TRIM26: variants seen among roughly 807,000 people sequenced by gnomAD.
TRIM26 encodes the protein tripartite motif containing 26.
TRIM26 carries 16 observed loss-of-function variants against 45.5 expected under a neutral mutation model. The ratio of observed to expected loss-of-function variants is 0.35; its 90% CI spans 0.24 to 0.53. The LOEUF is 0.53. Among genes scored for constraint, TRIM26 ranks in the 20% least tolerant of loss-of-function variants. TRIM26 has a pLI of 0.92. For synonymous variants in TRIM26, 273 were observed against 290.4 expected, an observed-to-expected ratio of 0.94 and a Z score of 0.61; for missense variants, 442 against 691.1, an observed-to-expected ratio of 0.64 and a Z score of 4.04.
In TRIM26 at chr6:30,196,757, CAGGA is replaced by C. The variant is rs769811690; in HGVS notation, c.535-15_535-12del. The C allele has an allele frequency of 6.2e-7, 1 of 1,613,762 alleles. No homozygotes were observed. The highest frequency in any genetic ancestry group is 1.1e-5 in the South Asian group (1 of 91,080). On this transcript the variant is annotated splice_polypyrimidine_tract_variant and intron_variant, in intron 5 of 9. Coordinates refer to ENST00000454678, the MANE Select transcript of TRIM26 (RefSeq NM_003449.5). The surrounding 1 kb of genome is among the most constrained non-coding windows in gnomAD (Gnocchi z 4.9). ...GTCCTGGAGCTTCTTCTGCAGGGGG[CAGGA>C]AGGGGAGAAGGGCTGACACCTCTGC...
chr6:30,186,357 G>A lies in TRIM26; in HGVS notation c.1139C>T (p.Ser380Phe). The A allele has an allele frequency of 6.2e-7, 1 of 1,612,248 alleles. No individual in the cohort carries two copies. Among genetic ancestry groups the A allele is most frequent in the Non-Finnish European group, 8.5e-7 (1 of 1,179,720 alleles). Residue 380 changes from serine to phenylalanine, a missense_variant, in exon 10 of 10, where the codon TCT becomes TTT. Ser to Phe is a radical substitution (Grantham distance 155). Coordinates refer to ENST00000454678, the MANE Select transcript of TRIM26 (RefSeq NM_003449.5). This position sits in a 1 kb window ranked among gnomAD's most constrained non-coding sequence, Gnocchi z 7.4. ...CTCATCCCCCTCTTCTTCATCCTCA[G>A]ACCAGCCCTCCCTCTCCACTTCCAC... The part of the protein sequence containing the change: ...WEVEVEREGW[S>F]EDEEEGDEEE...
rs142116375 is a variant in TRIM26 at position 30,190,358 on chromosome 6, C to T, written c.766-323G>A. On this transcript the variant is annotated intron_variant, in intron 6 of 9. Coordinates refer to ENST00000454678, the MANE Select transcript of TRIM26 (RefSeq NM_003449.5). This position sits in a 1 kb window ranked among gnomAD's most constrained non-coding sequence, Gnocchi z 4.3. ...AAAACAGGAAAGGGCTTGGTGAGAA[C>T]GGCAGAGGCCAGACTGCGCAGGGCT... 2.8e-3 allele frequency: 1,284 copies of T among 460,442 alleles called. 4 individuals carry two copies. The highest frequency in any genetic ancestry group is 0.012 in the African/African-American group (615 of 51,082). The allele number at this position is 460,442 out of a possible 1,614,324, so 28.5% of individuals were successfully genotyped here. A position where few individuals can be genotyped will look rare whatever the true frequency, so the allele number is the denominator to read the frequency against.
Position 30,190,269 on chromosome 6 carries a change from T to C in TRIM26, c.766-234A>G, listed in dbSNP as rs531781639. ...TGGGAGATGACATGGGCAACCTCTC[T>C]GGGAGATACCTGCGCAGAGAATTGA... On this transcript the variant is annotated intron_variant, in intron 6 of 9. Coordinates refer to ENST00000454678, the MANE Select transcript of TRIM26 (RefSeq NM_003449.5). This position sits in a 1 kb window ranked among gnomAD's most constrained non-coding sequence, Gnocchi z 4.3. The C allele has an allele frequency of 1.8e-4, 109 of 601,626 alleles. No homozygotes were observed. In the African/African-American group the frequency reaches 1.9e-3, roughly 10 times the overall value. 37.3% of individuals were successfully genotyped at this position (601,626 alleles called of 1,614,324 possible). A position where few individuals can be genotyped will look rare whatever the true frequency, so the allele number is the denominator to read the frequency against.
Position 30,190,164 on chromosome 6 carries a change from A to C in TRIM26, c.766-129T>G. 1.0e-6 allele frequency: 1 copy of C among 989,806 alleles called. No homozygotes were observed. The highest frequency in any genetic ancestry group is 1.5e-6 in the Non-Finnish European group (1 of 648,606). The allele number at this position is 989,806 out of a possible 1,614,324, so 61.3% of individuals were successfully genotyped here. ...AACAAATGTGGTCCCTTTTTTATGG[A>C]GCTGACATTCCAGTGGGGTCACTGC... On this transcript the variant is annotated intron_variant, in intron 6 of 9. Coordinates refer to ENST00000454678, the MANE Select transcript of TRIM26 (RefSeq NM_003449.5). This position sits in a 1 kb window ranked among gnomAD's most constrained non-coding sequence, Gnocchi z 4.3.
chr6:30,212,561 A>T (rs1350807050), intron 1 of TRIM26, among the ~76,000 whole-genome samples: 1 of 152,224 alleles, frequency 6.6e-6, no homozygotes, highest in Non-Finnish European at 1.5e-5. Context: ...CTTAAACAAT[A>T]AAATTGCAAT....
rs1449063551 is a variant in TRIM26 at position 30,196,721 on chromosome 6, T to G, written c.560A>C (p.Tyr187Ser). 3.1e-6 allele frequency: 5 copies of G among 1,614,128 alleles called. No individual in the cohort carries two copies. In the Admixed American group the frequency reaches 5.0e-5, roughly 16 times the overall value. Reference protein sequence around the residue: ...ALKKLQDQRQYIVAEFEQGHQ... With the variant: ...ALKKLQDQRQSIVAEFEQGHQ... ...ACCCTGCTCAAACTCAGCCACAATG[T>G]ACTGCCTCTGGTCCTGGAGCTTCTT... Residue 187 changes from tyrosine to serine, a missense_variant, in exon 6 of 10, where the codon TAC becomes TCC. Transcript: ENST00000454678. The surrounding 1 kb of genome is among the most constrained non-coding windows in gnomAD (Gnocchi z 4.9).
At chr6:30,194,304 G>A (rs150422655) in intron 6 of TRIM26, among the ~76,000 whole-genome samples, 1 of 151,352 alleles carries the variant, frequency 6.6e-6, no homozygotes, top group Non-Finnish European at 1.5e-5. Context: ...ATGATTAGAG[G>A]TTGGGAAGGG....
In TRIM26 at chr6:30,209,048, C is replaced by A. The variant is rs527246626; in HGVS notation, c.-376+4257G>T. 6.6e-6 allele frequency among the ~76,000 whole-genome samples: 1 copy of A among 152,028 alleles called. No homozygotes were observed. The highest frequency in any genetic ancestry group is 1.5e-5 in the Non-Finnish European group (1 of 68,002). ...CAGATATTGTGCTCCTCGACCCAAC[C>A]AGTAAATGTTGTAAATGTTTATCTT... On this transcript the variant is annotated intron_variant, in intron 1 of 9. Coordinates refer to ENST00000454678, the MANE Select transcript of TRIM26 (RefSeq NM_003449.5). This position sits in a 1 kb window ranked among gnomAD's most constrained non-coding sequence, Gnocchi z 4.8.
rs150372289 is a variant in TRIM26, at chr6:30,190,706, T to G, written c.766-671A>C. On this transcript the variant is annotated intron_variant, in intron 6 of 9. Transcript: ENST00000454678. This position sits in a 1 kb window ranked among gnomAD's most constrained non-coding sequence, Gnocchi z 4.3. ...TGTCCTTTAAAAAAAGAAAATTGCT[T>G]TCTACTTCCTTTTTACCCCAACTGA... 5.2e-4 allele frequency among the ~76,000 whole-genome samples: 79 copies of G among 152,294 alleles called. No individual in the cohort carries two copies. The highest frequency in any genetic ancestry group is 3.4e-3 in the Middle Eastern group (1 of 294).
chr6:30,203,400 TCTTA>T (rs1278476676), intron 2 of TRIM26, among the ~76,000 whole-genome samples: 4 of 151,886 alleles, frequency 2.6e-5, no homozygotes, highest in African/African-American at 4.8e-5. Context: ...TGCCTATACT[TCTTA>T]TTTATTTATT....
At chr6:30,188,885 G>A (rs1441287542) in intron 9 of TRIM26, among the ~76,000 whole-genome samples, 1 of 152,016 alleles carries the variant, frequency 6.6e-6, no homozygotes, top group Non-Finnish European at 1.5e-5. Context: ...GAGAAAGCTC[G>A]GCCACAGGAA....
In TRIM26 at chr6:30,185,776, C is replaced by T. The variant is rs1201515561; in HGVS notation, c.*100G>A. 2 of 1,383,320 alleles carry T rather than the reference C, an allele frequency of 1.4e-6. No individual in the cohort carries two copies. The highest frequency in any genetic ancestry group is 2.0e-6 in the Non-Finnish European group (2 of 1,022,604). 85.7% of individuals were successfully genotyped at this position (1,383,320 alleles called of 1,614,324 possible). On this transcript the variant is annotated 3_prime_UTR_variant, in exon 10 of 10. Transcript: ENST00000454678. The surrounding 1 kb of genome is among the most constrained non-coding windows in gnomAD (Gnocchi z 5.7). ...ACCAGTGGATATGGGGTCCCCTGCTCCAGGTGCTTAGGCCAGGCATCCCGT... is the reference window on the plus strand; with the variant it reads ...ACCAGTGGATATGGGGTCCCCTGCTTCAGGTGCTTAGGCCAGGCATCCCGT...
chr6:30,189,898 G>T lies in TRIM26; in HGVS notation c.788+115C>A. The T allele has an allele frequency of 8.0e-7, 1 of 1,255,676 alleles. No individual in the cohort carries two copies. The allele number at this position is 1,255,676 out of a possible 1,614,324, so 77.8% of individuals were successfully genotyped here. On this transcript the variant is annotated intron_variant, in intron 7 of 9. Coordinates refer to ENST00000454678, the MANE Select transcript of TRIM26 (RefSeq NM_003449.5). The surrounding 1 kb of genome is among the most constrained non-coding windows in gnomAD (Gnocchi z 5.0). The stretch of plus-strand genomic sequence containing the variant: ...AGAAGGGCATCAGGATGAACCATGG[G>T]ATGTGAGTACCTCTGGCACCATACC...
At chr6:30,191,208 T>C (rs1364183501) in intron 6 of TRIM26, among the ~76,000 whole-genome samples, 1 of 152,064 alleles carries the variant, frequency 6.6e-6, no homozygotes, top group East Asian at 1.9e-4. Context: ...GGTGGTGCTA[T>C]CTCTGTGACA....
chr6:30,189,959 G>T lies in TRIM26; in HGVS notation c.788+54C>A, dbSNP rs1393337104. The T allele has an allele frequency of 3.1e-6, 5 of 1,606,568 alleles. No individual in the cohort carries two copies. The highest frequency in any genetic ancestry group is 3.4e-6 in the Non-Finnish European group (4 of 1,174,432). Reference sequence around the variant, plus strand: ...AATTCAAATGCACCTGGTCAGAAGCGGGGGAACATAAACAAGGGGGATGAG... The same window carrying T: ...AATTCAAATGCACCTGGTCAGAAGCTGGGGAACATAAACAAGGGGGATGAG... On this transcript the variant is annotated intron_variant, in intron 7 of 9. Coordinates refer to ENST00000454678, the MANE Select transcript of TRIM26 (RefSeq NM_003449.5). This position sits in a 1 kb window ranked among gnomAD's most constrained non-coding sequence, Gnocchi z 5.0.
At chr6:30,205,879 G>C (rs1021349189) in intron 1 of TRIM26, among the ~76,000 whole-genome samples, 1 of 152,172 alleles carries the variant, frequency 6.6e-6, no homozygotes, top group Non-Finnish European at 1.5e-5. Flanking sequence ...CTGGTAGACA[G>C]TGAATCCCAA....
At position 30,190,299 on chromosome 6, in the gene TRIM26, TAAG is replaced by T. The variant is rs1346862651; in HGVS notation, c.766-267_766-265del. ...GATACCTGCGCAGAGAATTGACGGA[TAAG>T]AAGTACTGGCCGGATGAAGAGAGGT... On this transcript the variant is annotated intron_variant, in intron 6 of 9. Coordinates refer to ENST00000454678, the MANE Select transcript of TRIM26 (RefSeq NM_003449.5). This position sits in a 1 kb window ranked among gnomAD's most constrained non-coding sequence, Gnocchi z 4.3. 2 of 572,476 alleles carry T rather than the reference TAAG, an allele frequency of 3.5e-6. No individual in the cohort carries two copies. Among genetic ancestry groups the T allele is most frequent in the Non-Finnish European group, 6.2e-6 (2 of 321,072 alleles). 35.5% of individuals were successfully genotyped at this position (572,476 alleles called of 1,614,324 possible).
Position 30,193,936 on chromosome 6 carries a change from T to C in TRIM26, c.765+2580A>G, listed in dbSNP as rs60681864. Among the ~76,000 whole-genome samples, 300 of 152,344 alleles carry C rather than the reference T, an allele frequency of 2.0e-3. 1 individual carries two copies. Among genetic ancestry groups the C allele is most frequent in the African/African-American group, 6.6e-3 (274 of 41,572 alleles). On this transcript the variant is annotated intron_variant, in intron 6 of 9. Coordinates refer to ENST00000454678, the MANE Select transcript of TRIM26 (RefSeq NM_003449.5). The stretch of plus-strand genomic sequence containing the variant: ...TATGTTGATTTTGTATCCTGCAACT[T>C]TACTGAATTTGTTTATTAGTTCTAA...
chr6:30,186,749 AC>A lies in TRIM26; in HGVS notation c.938-192del. 1.0e-6 allele frequency: 1 copy of A among 999,690 alleles called. No individual in the cohort carries two copies. The highest frequency in any genetic ancestry group is 1.5e-6 in the Non-Finnish European group (1 of 675,166). The allele number at this position is 999,690 out of a possible 1,614,324, so 61.9% of individuals were successfully genotyped here. On this transcript the variant is annotated intron_variant, in intron 9 of 9. Coordinates refer to ENST00000454678, the MANE Select transcript of TRIM26 (RefSeq NM_003449.5). The surrounding 1 kb of genome is among the most constrained non-coding windows in gnomAD (Gnocchi z 7.4). ...TTCTGGCTTTGTATTCTGCTAAATC[AC>A]CATAACTAAACTGCTTTATAAACAT...
Sources: allele counts gnomAD v4.1 joint callset (sites outside exome capture counted in the v4.1 genomes callset), GRCh38; gene constraint gnomAD v4.1.1; non-coding constraint Gnocchi (gnomAD v3.1); transcripts MANE v1.5; gene names NCBI Gene and HGNC (gene_info 2026-07-23, HGNC 2026-07-21).